SEC23A: variants seen among roughly 807,000 people sequenced by gnomAD.
SEC23A encodes SEC23 homolog A, COPII component.
Under a neutral mutation model 103.7 loss-of-function variants are expected in SEC23A, and 56 were observed. The ratio of observed to expected loss-of-function variants is 0.54; its 90% CI spans 0.44 to 0.67. The LOEUF (loss-of-function observed/expected upper bound fraction) is 0.67. SEC23A is among the 30% of genes least tolerant of loss of function. The pLI, the probability that SEC23A is intolerant of heterozygous loss-of-function variation, is 0.00. For synonymous variants in SEC23A, 281 were observed against 293.0 expected (o/e 0.96, Z 0.42); for missense variants, 784 against 936.4 (o/e 0.84, Z 2.12).
rs1566515107 is a variant in SEC23A at position 39,094,425 on chromosome 14, TATATATATATATATATA to T, written c.222-1198_222-1182del. ...ATATATATATATATATATATATATATATATATATATATATATATTTTTTTTTTTTTTTTTTCCCCTCC... is the reference window on the plus strand; with the variant it reads ...ATATATATATATATATATATATATATTTTTTTTTTTTTTTTTTTCCCCTCC... On this transcript the variant is annotated intron_variant, in intron 2 of 19. Transcript: ENST00000307712. Among the ~76,000 whole-genome samples, 69 of 64,108 alleles carry T rather than the reference TATATATATATATATATA, an allele frequency of 1.1e-3. 1 individual carries two copies. The highest frequency in any genetic ancestry group is 1.4e-3 in the Non-Finnish European group (56 of 40,934). The allele number at this position is 64,108 out of a possible 152,430, so 42.1% of individuals were successfully genotyped here.
intron 9 of SEC23A, among the ~76,000 whole-genome samples, chr14:39,068,167 A>G (rs1339139675): frequency 6.6e-6 from 1 of 152,144 alleles, no homozygotes; most frequent in Non-Finnish European, 1.5e-5. Context: ...ATTAACTTGA[A>G]AGTTAAAAAC....
intron 14 of SEC23A, among the ~76,000 whole-genome samples, chr14:39,054,380 A>C (rs978962395): frequency 6.6e-6 from 1 of 152,206 alleles, no homozygotes; most frequent in Non-Finnish European, 1.5e-5. Context: ...AACACTACTA[A>C]TAACTTTATT....
intron 9 of SEC23A, among the ~76,000 whole-genome samples, 188 bp from the exon 10 acceptor site, chr14:39,067,484 A>T (rs1420497364): frequency 6.6e-6 from 1 of 152,124 alleles, no homozygotes; most frequent in Non-Finnish European, 1.5e-5. Context: ...AATAATCTCA[A>T]TTCCGAAGGT....
intron 17 of SEC23A, among the ~76,000 whole-genome samples, chr14:39,041,825 C>T (rs530778075): frequency 2.7e-5 from 4 of 148,770 alleles, no homozygotes; most frequent in South Asian, 2.1e-4. Flanking sequence ...GCCAAGATAG[C>T]GCCACTGCAC....
chr14:39,066,710 C>T (rs2139235673), intron 10 of SEC23A, among the ~76,000 whole-genome samples: 1 of 152,072 alleles, frequency 6.6e-6, no homozygotes, highest in East Asian at 1.9e-4. Flanking sequence ...ACTAAAAACA[C>T]AAATTAGACA....
chr14:39,080,924 G>A lies in SEC23A; in HGVS notation c.829-4831C>T, dbSNP rs561088742. ...AGCAAAATGATCAAATAATTTACAA[G>A]GGCAAGAAAATAAGGCTGGTATCAG... On this transcript the variant is annotated intron_variant, in intron 7 of 19. Coordinates refer to ENST00000307712, the MANE Select transcript of SEC23A (RefSeq NM_006364.4). Among the ~76,000 whole-genome samples the A allele has an allele frequency of 2.0e-5, 3 of 152,182 alleles. No individual in the cohort carries two copies. The East Asian group carries it at 5.8e-4, about 29-fold the overall frequency.
At chr14:39,045,407 A>G in intron 15 of SEC23A, 83 bp from the exon 16 acceptor site, 1 of 993,400 alleles carries the variant, frequency 1.0e-6, no homozygotes, top group Non-Finnish European at 1.5e-6. Flanking sequence ...ATTTGATTAC[A>G]AACTATTAAC....
intron 5 of SEC23A, among the ~76,000 whole-genome samples, chr14:39,090,555 A>G (rs1304320862): frequency 6.6e-6 from 1 of 152,224 alleles, no homozygotes; most frequent in African/African-American, 2.4e-5. Flanking sequence ...AAAATCGTCC[A>G]GTCTCAAAAT....
chr14:39,042,047 A>G (rs1454508262), intron 17 of SEC23A, among the ~76,000 whole-genome samples: 1 of 152,204 alleles, frequency 6.6e-6, no homozygotes, highest in Non-Finnish European at 1.5e-5. Context: ...TTGGCCTCCC[A>G]AAGTGCTGGA....
intron 1 of SEC23A, among the ~76,000 whole-genome samples, chr14:39,098,698 C>T (rs907326104): frequency 2.0e-5 from 3 of 150,998 alleles, no homozygotes; most frequent in Non-Finnish European, 4.4e-5. Flanking sequence ...CACTTGAACC[C>T]GGGAGGTGGA....
intron 6 of SEC23A, among the ~76,000 whole-genome samples, chr14:39,086,705 G>A (rs1887456803): frequency 6.6e-6 from 1 of 151,820 alleles, no homozygotes; most frequent in Non-Finnish European, 1.5e-5. Context: ...TAAAAAATAA[G>A]GAAAATAACA....
intron 13 of SEC23A, among the ~76,000 whole-genome samples, chr14:39,061,385 AT>A (rs534286399): frequency 6.6e-6 from 1 of 152,094 alleles, no homozygotes; most frequent in Admixed American, 6.5e-5. Flanking sequence ...TGAAAAAAAA[AT>A]AGCTAAGAAT....
At chr14:39,061,077 T>A (rs1290534552) in intron 13 of SEC23A, among the ~76,000 whole-genome samples, 1 of 152,198 alleles carries the variant, frequency 6.6e-6, no homozygotes. Flanking sequence ...TATATCTTAT[T>A]AATCTAATAA....
At chr14:39,066,022 A>C (rs1042835810) in intron 10 of SEC23A, among the ~76,000 whole-genome samples, 22 of 142,262 alleles carry the variant, frequency 1.5e-4, no homozygotes, top group South Asian at 4.6e-4. Flanking sequence ...AAAAAAAAAA[A>C]AAAAAAAAAA....
chr14:39,086,975 G>T lies in SEC23A; in HGVS notation c.637C>A (p.Gln213Lys), dbSNP rs1221304580. 5.0e-6 allele frequency: 8 copies of T among 1,594,196 alleles called. No individual in the cohort carries two copies. Among genetic ancestry groups the T allele is most frequent in the Non-Finnish European group, 8.6e-7 (1 of 1,161,944 alleles). ...TGTACCTGAGGACCACGTGTTGCTTGAGTAAGTGGTACTTTAGAGAGCCCC... is the reference window on the plus strand; with the variant it reads ...TGTACCTGAGGACCACGTGTTGCTTTAGTAAGTGGTACTTTAGAGAGCCCC... The part of the protein sequence containing the change: ...MLGLSKVPLT[Q>K]ATRGPQVQQP... The change falls in exon 6 of 20, where the codon CAA becomes AAA. Residue 213 changes from glutamine to lysine, a missense_variant. Physicochemically the swap from Gln to Lys is moderately conservative, Grantham distance 53. This residue lies in a region of SEC23A where 683 missense variants were observed against 774.2 expected (regional missense o/e 0.88). Transcript: ENST00000307712.
At chr14:39,039,310 T>C in intron 18 of SEC23A, 1 of 507,488 alleles carries the variant, frequency 2.0e-6, no homozygotes, top group East Asian at 3.2e-5. Context: ...AAATCATACA[T>C]CCAAAATAAC....
In SEC23A at chr14:39,092,561, T is replaced by C. The variant is rs528206827; in HGVS notation, c.346A>G (p.Ser116Gly). ...CTTACCAGAACTACATATTCAATGCTAGAAAACTGAGGTAAAAGTTCAGCA... is the reference window on the plus strand; with the variant it reads ...CTTACCAGAACTACATATTCAATGCCAGAAAACTGAGGTAAAAGTTCAGCA... ...QPAELLPQFS[S>G]IEYVVLRGPQ... Residue 116 changes from serine to glycine, a missense_variant, in exon 4 of 20, where the codon AGC (serine) becomes GGC (glycine). Coordinates refer to ENST00000307712, the MANE Select transcript of SEC23A (RefSeq NM_006364.4). 2 of 1,607,424 alleles carry C rather than the reference T, an allele frequency of 1.2e-6. No individual in the cohort carries two copies. The highest frequency in any genetic ancestry group is 2.7e-5 in the African/African-American group (2 of 74,910).
intron 3 of SEC23A, chr14:39,092,921 T>C (rs1052733107): frequency 2.1e-6 from 1 of 486,918 alleles, no homozygotes; most frequent in Non-Finnish European, 3.7e-6. Flanking sequence ...TGGAGTAGAG[T>C]GGTGCAATCT....
intron 13 of SEC23A, among the ~76,000 whole-genome samples, chr14:39,055,822 C>T (rs2415526): frequency 0.79 from 120,517 of 152,154 alleles, 47,976 homozygotes; most frequent in East Asian, 0.9. Context: ...CTTTCTCTTA[C>T]GATATGAGTA....
Sources: allele counts gnomAD v4.1 joint callset (sites outside exome capture counted in the v4.1 genomes callset), GRCh38; gene constraint gnomAD v4.1.1; regional missense constraint gnomAD v4.1.1; transcripts MANE v1.5; gene names NCBI Gene and HGNC (gene_info 2026-07-23, HGNC 2026-07-21).